CDH8: variants seen among roughly 807,000 people sequenced by gnomAD.
The protein encoded by CDH8 is cadherin 8.
Under a neutral mutation model 68.1 loss-of-function variants are expected in CDH8, and 17 were observed. The ratio of observed to expected loss-of-function variants is 0.25; its 90% CI spans 0.17 to 0.37. CDH8 has a LOEUF of 0.37. CDH8 is among the 10% of genes least tolerant of loss of function. The pLI is 1.00. For synonymous variants in CDH8, 372 were observed against 365.1 expected (o/e 1.02, Z -0.21); for missense variants, 763 against 999.3 (o/e 0.76, Z 3.19).
Position 61,647,679 on chromosome 16 carries a change from A to C in CDH8, c.*5929T>G, listed in dbSNP as rs1226148691. On this transcript the variant is annotated 3_prime_UTR_variant, in exon 12 of 12. Coordinates refer to ENST00000577390, the MANE Select transcript of CDH8 (RefSeq NM_001796.5). ...GTCCATCTTAGAGCATAATTGTTAA[A>C]ATTTTCCTCTTATTTTTGAGGAATC... 3.2e-6 allele frequency: 2 copies of C among 630,556 alleles called. No homozygotes were observed. The highest frequency in any genetic ancestry group is 3.7e-5 in the African/African-American group (2 of 54,044). The allele number at this position is 630,556 out of a possible 1,614,324, so 39.1% of individuals were successfully genotyped here. A position where few individuals can be genotyped will look rare whatever the true frequency, so the allele number is the denominator to read the frequency against.
At chr16:61,775,713 G>C (rs1389576545) in intron 8 of CDH8, among the ~76,000 whole-genome samples, 1 of 151,962 alleles carries the variant, frequency 6.6e-6, no homozygotes, top group East Asian at 1.9e-4. Context: ...AAGCACCCCG[G>C]ACTAAACGGC....
intron 10 of CDH8, among the ~76,000 whole-genome samples, chr16:61,694,961 T>C (rs1355061422): frequency 6.6e-6 from 1 of 152,084 alleles, no homozygotes; most frequent in Admixed American, 6.5e-5. Context: ...TTTGTATTTT[T>C]AGTAGAGACA....
At chr16:61,748,884 T>A (rs1960090068) in intron 8 of CDH8, among the ~76,000 whole-genome samples, 1 of 152,034 alleles carries the variant, frequency 6.6e-6, no homozygotes, top group African/African-American at 2.4e-5. Flanking sequence ...CCAATAATGA[T>A]CACAGAGTAA....
At chr16:61,845,522 A>C (rs1006114110) in intron 4 of CDH8, among the ~76,000 whole-genome samples, 1 of 151,508 alleles carries the variant, frequency 6.6e-6, no homozygotes, top group East Asian at 1.9e-4. Flanking sequence ...AAAAAAAAAA[A>C]CTATCTAATT....
chr16:61,692,567 G>GTTT lies in CDH8; in HGVS notation c.1654+21271_1654+21273dup, dbSNP rs5817304. ...GTCACCAGCTAAAAGAGAGTTGTGG[G>GTTT]TTTTTTTTTTTTCATTTGTTTGTTT... On this transcript the variant is annotated intron_variant, in intron 10 of 11. Coordinates refer to ENST00000577390, the MANE Select transcript of CDH8 (RefSeq NM_001796.5). 126 of 143,892 alleles carry GTTT rather than the reference G, an allele frequency of 8.8e-4. 1 individual carries two copies. The highest frequency in any genetic ancestry group is 2.8e-3 in the South Asian group (13 of 4,582). The allele number at this position is 143,892 out of a possible 1,614,324, so 8.9% of individuals were successfully genotyped here.
intron 8 of CDH8, among the ~76,000 whole-genome samples, chr16:61,787,245 A>G (rs932782431): frequency 2.4e-4 from 36 of 149,404 alleles, no homozygotes; most frequent in African/African-American, 8.5e-4. Context: ...AATTTACAAG[A>G]AAAAAACAAA....
chr16:61,884,349 G>C (rs893730681), intron 3 of CDH8, among the ~76,000 whole-genome samples: 2 of 151,720 alleles, frequency 1.3e-5, no homozygotes, highest in East Asian at 1.9e-4. Context: ...GTGATGAATA[G>C]TAAGTATATT....
intron 4 of CDH8, among the ~76,000 whole-genome samples, chr16:61,832,851 C>T (rs1962489856): frequency 6.6e-6 from 1 of 151,376 alleles, no homozygotes. Flanking sequence ...CCATGATTAG[C>T]CTGTGTTATA....
intron 5 of CDH8, among the ~76,000 whole-genome samples, chr16:61,824,456 A>G (rs140081926): frequency 1.3e-5 from 2 of 152,024 alleles, no homozygotes; most frequent in African/African-American, 4.8e-5. Context: ...AAGTTGTCAA[A>G]TAATTATTGT....
intron 3 of CDH8, among the ~76,000 whole-genome samples, chr16:61,871,481 G>T (rs1012166479): frequency 6.6e-6 from 1 of 151,878 alleles, no homozygotes; most frequent in Non-Finnish European, 1.5e-5. Context: ...GGATCTTAAA[G>T]AGAAAATTCA....
rs959044220 is a variant in CDH8, at chr16:61,999,868, T to C, written c.252+21284A>G. Among the ~76,000 whole-genome samples, 5 of 152,122 alleles carry C rather than the reference T, an allele frequency of 3.3e-5. No individual in the cohort carries two copies. The South Asian group carries it at 8.3e-4, about 25-fold the overall frequency. On this transcript the variant is annotated intron_variant, in intron 2 of 11. Coordinates refer to ENST00000577390, the MANE Select transcript of CDH8 (RefSeq NM_001796.5). ...GGTTTGTTACATAGGTATACATACA[T>C]GTACCACGGTGGTTTGCTGCACCTA...
intron 10 of CDH8, among the ~76,000 whole-genome samples, chr16:61,711,924 G>T (rs886945460): frequency 1.3e-5 from 2 of 151,530 alleles, no homozygotes; most frequent in Non-Finnish European, 3.0e-5. Context: ...TCTAAAACAA[G>T]CAATCATGAT....
chr16:61,801,006 A>G (rs1961611776), intron 7 of CDH8, among the ~76,000 whole-genome samples: 1 of 152,132 alleles, frequency 6.6e-6, no homozygotes, highest in Non-Finnish European at 1.5e-5. Flanking sequence ...ATAATGTTAG[A>G]TATCATGGCT....
intron 10 of CDH8, among the ~76,000 whole-genome samples, chr16:61,697,694 T>C (rs1049621735): frequency 6.6e-6 from 1 of 152,142 alleles, no homozygotes; most frequent in East Asian, 1.9e-4. Context: ...AGAGACGGGT[T>C]GGACCAGGCA....
At chr16:61,983,817 A>G (rs1280710323) in intron 2 of CDH8, among the ~76,000 whole-genome samples, 1 of 151,536 alleles carries the variant, frequency 6.6e-6, no homozygotes, top group African/African-American at 2.4e-5. Flanking sequence ...TTTCTGGCTT[A>G]CAGATGGCTG....
intron 10 of CDH8, among the ~76,000 whole-genome samples, chr16:61,707,628 G>T (rs559451443): frequency 2.0e-5 from 3 of 152,204 alleles, no homozygotes; most frequent in South Asian, 4.1e-4. Flanking sequence ...TGTTACTCAG[G>T]TCACATTAGC....
intron 4 of CDH8, among the ~76,000 whole-genome samples, chr16:61,853,872 G>C (rs1188171592): frequency 6.6e-6 from 1 of 151,886 alleles, no homozygotes; most frequent in East Asian, 1.9e-4. Flanking sequence ...CCAAGTACTT[G>C]CTATTCCTGC....
intron 6 of CDH8, among the ~76,000 whole-genome samples, chr16:61,818,471 C>G (rs1444123690): frequency 6.6e-6 from 1 of 152,080 alleles, no homozygotes; most frequent in Non-Finnish European, 1.5e-5. Flanking sequence ...ATAACTGAAT[C>G]TAATTGTGCC....
At chr16:61,719,654 T>C (rs925614581) in intron 9 of CDH8, among the ~76,000 whole-genome samples, 1 of 151,130 alleles carries the variant, frequency 6.6e-6, no homozygotes, top group Middle Eastern at 3.4e-3. Context: ...TTCAATCTTA[T>C]CTCTTCTTTA....
Sources: gnomAD v4.1 joint callset for allele counts (sites outside exome capture counted in the v4.1 genomes callset) on GRCh38, gnomAD v4.1.1 for gene constraint, MANE v1.5 for transcripts, NCBI Gene and HGNC (gene_info 2026-07-23, HGNC 2026-07-21) for gene names.